WNT2B: variants seen among roughly 807,000 people sequenced by gnomAD.
The protein encoded by WNT2B is Wnt family member 2B, also known as protein Wnt-2b.
A neutral mutation model predicts 40.5 loss-of-function variants in WNT2B; 19 were observed. The observed-to-expected ratio is 0.47, with a 90% confidence interval of 0.33 to 0.69. The LOEUF is 0.69. Ranked by LOEUF, WNT2B falls within the 30% of genes least tolerant of loss-of-function variation. The pLI, the probability that WNT2B is intolerant of heterozygous loss-of-function variation, is 0.02. For missense variants in WNT2B, 467 were observed against 556.4 expected (o/e 0.84, Z 1.62); for synonymous variants, 220 against 211.9 (o/e 1.04, Z -0.33).
intron 1 of WNT2B, among the ~76,000 whole-genome samples, chr1:112,514,090 C>G (rs1433800993): frequency 2.6e-5 from 4 of 152,186 alleles, no homozygotes; most frequent in African/African-American, 4.8e-5. Flanking sequence ...TTTAATTGTT[C>G]ATATTGGACA....
At chr1:112,468,389 G>A (rs562139159) in intron 1 of WNT2B, among the ~76,000 whole-genome samples, 3 of 152,076 alleles carry the variant, frequency 2.0e-5, no homozygotes, top group Non-Finnish European at 4.4e-5. Context: ...GTTTTCCATA[G>A]TGGTTGTACT....
chr1:112,521,786 G>C lies in WNT2B; in HGVS notation c.*1277G>C, dbSNP rs1652895961. Reference sequence around the variant, plus strand: ...CAGAGATAGCAGGCTTAGTAAGCTGGAGGTAGGACATGAAGTCCCCCAAAA... The same window carrying C: ...CAGAGATAGCAGGCTTAGTAAGCTGCAGGTAGGACATGAAGTCCCCCAAAA... On this transcript the variant is annotated 3_prime_UTR_variant, in exon 5 of 5. Coordinates refer to ENST00000369684, the MANE Select transcript of WNT2B (RefSeq NM_024494.3). The C allele has an allele frequency of 6.6e-6, 1 of 152,192 alleles. No individual in the cohort carries two copies. Among genetic ancestry groups the C allele is most frequent in the South Asian group, 2.1e-4 (1 of 4,822 alleles). The allele number at this position is 152,192 out of a possible 1,614,324, so 9.4% of individuals were successfully genotyped here. A position where few individuals can be genotyped will look rare whatever the true frequency, so the allele number is the denominator to read the frequency against.
rs1283370471 is a variant in WNT2B at position 112,521,646 on chromosome 1, C to G, written c.*1137C>G. ...GCCTTCCTCCACTTACTCAACAAAT[C>G]TTTATTTAGTGACTCTCCAAGTCCT... On this transcript the variant is annotated 3_prime_UTR_variant, in exon 5 of 5. Coordinates refer to ENST00000369684, the MANE Select transcript of WNT2B (RefSeq NM_024494.3). 3.3e-5 allele frequency: 5 copies of G among 152,174 alleles called. No homozygotes were observed. Among genetic ancestry groups the G allele is most frequent in the Admixed American group, 2.6e-4 (4 of 15,276 alleles). 9.4% of individuals were successfully genotyped at this position (152,174 alleles called of 1,614,324 possible).
At chr1:112,491,504 G>GA (rs1040055776) in intron 1 of WNT2B, among the ~76,000 whole-genome samples, 1 of 152,172 alleles carries the variant, frequency 6.6e-6, no homozygotes, top group Non-Finnish European at 1.5e-5. Flanking sequence ...ATAGGGCCTT[G>GA]AAAGAAGGGC....
chr1:112,511,768 C>G (rs186421293), intron 1 of WNT2B, among the ~76,000 whole-genome samples: 2 of 152,306 alleles, frequency 1.3e-5, no homozygotes, highest in East Asian at 1.9e-4. Flanking sequence ...TTCATAGGCT[C>G]ACAAAGGGAG....
intron 4 of WNT2B, 131 bp from the exon 5 acceptor site, chr1:112,520,149 G>A: frequency 1.2e-5 from 10 of 819,716 alleles, no homozygotes; most frequent in Non-Finnish European, 1.9e-5. Context: ...TGGGATGATA[G>A]GCATGAGTGA....
intron 1 of WNT2B, among the ~76,000 whole-genome samples, chr1:112,476,572 C>T (rs1306816793): frequency 6.6e-6 from 1 of 152,154 alleles, no homozygotes; most frequent in African/African-American, 2.4e-5. Flanking sequence ...ACCTACTCCA[C>T]CCCATCCCCC....
At chr1:112,502,789 TAGAG>T (rs1281302963) in intron 1 of WNT2B, among the ~76,000 whole-genome samples, 3 of 152,148 alleles carry the variant, frequency 2.0e-5, no homozygotes, top group Non-Finnish European at 1.5e-5. Context: ...GGTGCAGTTT[TAGAG>T]AGGCTATAGA....
intron 1 of WNT2B, among the ~76,000 whole-genome samples, chr1:112,481,342 C>T (rs1651218732): frequency 6.6e-6 from 1 of 152,024 alleles, no homozygotes; most frequent in Admixed American, 6.6e-5. Context: ...GCAGAAAAAA[C>T]GTTTGGCAAA....
chr1:112,492,547 G>A (rs550952348), intron 1 of WNT2B, among the ~76,000 whole-genome samples: 43 of 152,314 alleles, frequency 2.8e-4, no homozygotes, highest in African/African-American at 9.1e-4. Flanking sequence ...GTAAATATCA[G>A]AAAAATATCC....
At position 112,520,789 on chromosome 1, in the gene WNT2B, G is replaced by A. The variant is rs962395983; in HGVS notation, c.*280G>A. The A allele has an allele frequency of 4.1e-6, 2 of 482,610 alleles. No individual in the cohort carries two copies. The highest frequency in any genetic ancestry group is 7.4e-6 in the Non-Finnish European group (2 of 270,904). 29.9% of individuals were successfully genotyped at this position (482,610 alleles called of 1,614,324 possible). ...ATAGGGGGTCTTTAGAGTGAAATGA[G>A]TTGCACTAAAGTACGTAGTTGAGGC... On this transcript the variant is annotated 3_prime_UTR_variant, in exon 5 of 5. Coordinates refer to ENST00000369684, the MANE Select transcript of WNT2B (RefSeq NM_024494.3).
At chr1:112,520,200 C>A in intron 4 of WNT2B, 80 bp from the exon 5 acceptor site, 3 of 1,382,304 alleles carry the variant, frequency 2.2e-6, no homozygotes, top group Non-Finnish European at 3.0e-6. Context: ...TTTTTATCTT[C>A]CTTCTGAGAA....
At chr1:112,510,743 G>C (rs533005367) in intron 1 of WNT2B, among the ~76,000 whole-genome samples, 4 of 151,916 alleles carry the variant, frequency 2.6e-5, no homozygotes, top group South Asian at 2.1e-4. Flanking sequence ...AGGCAAGGAG[G>C]GGGGGTTCTG....
chr1:112,488,296 T>TCAAA (rs762642412), intron 1 of WNT2B, among the ~76,000 whole-genome samples: 2 of 151,952 alleles, frequency 1.3e-5, no homozygotes, highest in Non-Finnish European at 2.9e-5. Flanking sequence ...AGACTCTGTC[T>TCAAA]CAAACAAACA....
chr1:112,509,879 A>C lies in WNT2B; in HGVS notation c.182+435A>C, dbSNP rs1429471251. Among the ~76,000 whole-genome samples, 2 of 152,202 alleles carry C rather than the reference A, an allele frequency of 1.3e-5. No individual in the cohort carries two copies. The highest frequency in any genetic ancestry group is 2.9e-5 in the Non-Finnish European group (2 of 68,032). ...AAGGGGCAGCTCGCTAGTCTAGCCC[A>C]CCCATACCACAGGAAGGCTTTGGTG... On this transcript the variant is annotated intron_variant, in intron 1 of 4. Transcript: ENST00000369684. The surrounding 1 kb of genome is among the most constrained non-coding windows in gnomAD (Gnocchi z 4.2).
At chr1:112,508,092 A>G (rs931140245), upstream of WNT2B, among the ~76,000 whole-genome samples, 1 of 151,976 alleles carries the variant, frequency 6.6e-6, no homozygotes, top group African/African-American at 2.4e-5. This position sits in a 1 kb window ranked among gnomAD's most constrained non-coding sequence, Gnocchi z 4.2. Flanking sequence ...GAAGGAGGGA[A>G]AAAGCTCCAG....
Position 112,525,663 on chromosome 1 carries a change from G to A in WNT2B, c.*5154G>A, listed in dbSNP as rs1031664832. ...CTCACTTCCATTCTATGAGTATATC[G>A]ATGGAGCAGCTGGACATTAGAGTTC... On this transcript the variant is annotated 3_prime_UTR_variant, in exon 5 of 5. Transcript: ENST00000369684. 4.3e-5 allele frequency: 8 copies of A among 184,542 alleles called. No homozygotes were observed. The highest frequency in any genetic ancestry group is 4.3e-4 in the South Asian group (3 of 7,050). 11.4% of individuals were successfully genotyped at this position (184,542 alleles called of 1,614,324 possible).
At chr1:112,477,023 A>G (rs376289727) in intron 1 of WNT2B, among the ~76,000 whole-genome samples, 2 of 152,234 alleles carry the variant, frequency 1.3e-5, no homozygotes, top group South Asian at 2.1e-4. Flanking sequence ...GCACACCTGC[A>G]CTGTGGATCT....
intron 1 of WNT2B, among the ~76,000 whole-genome samples, chr1:112,492,174 A>G (rs1467639592): frequency 6.6e-6 from 1 of 152,254 alleles, no homozygotes; most frequent in Non-Finnish European, 1.5e-5. Flanking sequence ...AGATTTAGCA[A>G]TTTCCCATCT....
Sources: gnomAD v4.1 joint callset for allele counts (sites outside exome capture counted in the v4.1 genomes callset) on GRCh38, gnomAD v4.1.1 for gene constraint, Gnocchi (gnomAD v3.1) non-coding constraint, MANE v1.5 for transcripts, NCBI Gene and HGNC (gene_info 2026-07-23, HGNC 2026-07-21) for gene names.